Variants in CD163 observed in about 807,000 individuals in gnomAD.
The protein encoded by CD163 is CD163 molecule.
In CD163, 64 loss-of-function variants were observed where a neutral mutation model predicts 129.2. The observed-to-expected ratio is 0.50, with a 90% CI of 0.41 to 0.61. The LOEUF (loss-of-function observed/expected upper bound fraction) is 0.61, where lower values mean the gene tolerates loss of function less well. CD163 is among the 20% of genes least tolerant of loss of function. The pLI is 0.00. For synonymous variants in CD163, 446 were observed against 478.5 expected (o/e 0.93, Z 0.89); for missense variants, 1,061 against 1,377.9 (o/e 0.77, Z 3.64).
At chr12:7,473,600 G>C (rs1054532669) in intron 16 of CD163, among the ~76,000 whole-genome samples, 2 of 152,120 alleles carry the variant, frequency 1.3e-5, no homozygotes, top group South Asian at 4.1e-4. Flanking sequence ...AGAAAAACTA[G>C]TACCAGCCAC....
intron 4 of CD163, among the ~76,000 whole-genome samples, chr12:7,498,285 G>A (rs75146641): frequency 0.061 from 9,273 of 152,022 alleles, 335 homozygotes; most frequent in African/African-American, 0.091. Flanking sequence ...ACGAAGAGTG[G>A]TATCTCTGCA....
intron 1 of CD163, 99 bp downstream of exon 1, chr12:7,503,546 T>C: frequency 1.3e-6 from 1 of 746,764 alleles, no homozygotes; most frequent in Non-Finnish European, 2.2e-6. Context: ...CACTCCTTAC[T>C]CTCCTGATGC....
rs374723008 is a variant in CD163, at chr12:7,495,179, C to G, written c.1322G>C (p.Ser441Thr). The G allele has an allele frequency of 6.2e-7, 1 of 1,614,132 alleles. No individual in the cohort carries two copies. Among genetic ancestry groups the G allele is most frequent in the Admixed American group, 1.7e-5 (1 of 60,010 alleles). ...QATNTWLFLS[S>T]CNGNETSLWD... Reference sequence around the variant, plus strand: ...AAGAGAAGTTTCATTTCCGTTACAGCTACTTAGAAACAGCCATGTGTTTGT... The same window carrying G: ...AAGAGAAGTTTCATTTCCGTTACAGGTACTTAGAAACAGCCATGTGTTTGT... Residue 441 changes from serine to threonine, a missense_variant, in exon 6 of 17, where the codon AGC (serine) becomes ACC (threonine). Coordinates refer to ENST00000432237, the MANE Select transcript of CD163 (RefSeq NM_203416.4).
At chr12:7,498,086 C>T (rs1949426518) in intron 4 of CD163, among the ~76,000 whole-genome samples, 1 of 151,870 alleles carries the variant, frequency 6.6e-6, no homozygotes, top group Non-Finnish European at 1.5e-5. Context: ...CCAGTATTCT[C>T]TTCTTTTTAA....
chr12:7,492,410 G>A (rs1486849420), intron 6 of CD163, among the ~76,000 whole-genome samples: 2 of 152,074 alleles, frequency 1.3e-5, no homozygotes, highest in Admixed American at 6.6e-5. Flanking sequence ...TATGGGTGTG[G>A]TTGAATGGAG....
intron 11 of CD163, among the ~76,000 whole-genome samples, chr12:7,483,964 C>A (rs1176523032): frequency 6.6e-6 from 1 of 150,410 alleles, no homozygotes; most frequent in Non-Finnish European, 1.5e-5. Flanking sequence ...CCTCAGCCTC[C>A]CAAGTAGCTG....
intron 14 of CD163, among the ~76,000 whole-genome samples, chr12:7,481,793 A>G (rs1221544007): frequency 6.6e-6 from 1 of 152,138 alleles, no homozygotes; most frequent in Non-Finnish European, 1.5e-5. Context: ...TCTCTTCTTC[A>G]GACTTAGCAG....
At chr12:7,492,172 TAGA>T (rs759115602) in intron 6 of CD163, among the ~76,000 whole-genome samples, 2 of 152,088 alleles carry the variant, frequency 1.3e-5, no homozygotes, top group Non-Finnish European at 2.9e-5. Flanking sequence ...CCAACATAAG[TAGA>T]AGAACTTCCA....
In CD163 at chr12:7,483,413, G is replaced by A; in HGVS notation, c.3042C>T (p.Gly1014=). 1 of 1,613,920 alleles carries A rather than the reference G, an allele frequency of 6.2e-7. No homozygotes were observed. Residue 1014 remains glycine, a synonymous_variant, in exon 12 of 17, where the codon GGC becomes GGT. Transcript: ENST00000432237. ...SLWDCPARRW[G]HSECGHKEDA... is the part of the protein sequence containing the mutation. Reference sequence around the variant, plus strand: ...CTTCCTTGTGCCCACACTCACTATGGCCCCAGCGTCTGGCAGGACAATCCC... The same window carrying A: ...CTTCCTTGTGCCCACACTCACTATGACCCCAGCGTCTGGCAGGACAATCCC...
Position 7,482,669 on chromosome 12 carries a change from T to C in CD163, c.3221A>G (p.Lys1074Arg). 6.2e-7 allele frequency: 1 copy of C among 1,614,162 alleles called. No homozygotes were observed. Among genetic ancestry groups the C allele is most frequent in the Non-Finnish European group, 8.5e-7 (1 of 1,180,006 alleles). ...IFVALFFLTK[K>R]RRQRQRLAVS... ...TGCAAGCCGCTGTCTCTGTCTTCGC[T>C]TTTTAGTCAAGAAGAATAATGCGAC... Residue 1074 changes from lysine to arginine, a missense_variant, in exon 14 of 17, where the codon AAG becomes AGG. Coordinates refer to ENST00000432237, the MANE Select transcript of CD163 (RefSeq NM_203416.4).
chr12:7,502,743 G>A (rs2136750059), intron 1 of CD163, 179 bp from the exon 2 acceptor site: 2 of 635,744 alleles, frequency 3.1e-6, no homozygotes, highest in East Asian at 2.7e-5. Flanking sequence ...TCAGTGAAAT[G>A]GTTTTGAAAA....
intron 1 of CD163, 79 bp from the exon 2 acceptor site, chr12:7,502,643 A>G (rs1949509443): frequency 5.2e-6 from 4 of 770,814 alleles, no homozygotes; most frequent in Non-Finnish European, 6.7e-6. Context: ...TCAGAGGTTA[A>G]TTAACAAAGA....
rs1233393248 is a variant in CD163 at position 7,501,479 on chromosome 12, A to C, written c.134-17T>G. 6.2e-7 allele frequency: 1 copy of C among 1,602,034 alleles called. No individual in the cohort carries two copies. Among genetic ancestry groups the C allele is most frequent in the Non-Finnish European group, 8.5e-7 (1 of 1,169,686 alleles). On this transcript the variant is annotated splice_polypyrimidine_tract_variant and intron_variant, in intron 2 of 16. Transcript: ENST00000432237. ...CTGTTCCTCCTGCAACAATGGATTA[A>C]GACAGTAATTGGCCAAGGTCGCAAA...
intron 16 of CD163, among the ~76,000 whole-genome samples, chr12:7,477,538 A>G (rs1354644952): frequency 6.6e-6 from 1 of 152,160 alleles, no homozygotes; most frequent in Non-Finnish European, 1.5e-5. Flanking sequence ...TTGAACAATG[A>G]GAACACATGG....
chr12:7,492,195 G>A (rs1020547553), intron 6 of CD163, among the ~76,000 whole-genome samples: 6 of 151,980 alleles, frequency 3.9e-5, no homozygotes, highest in African/African-American at 1.5e-4. Flanking sequence ...AAAACCTACA[G>A]CAATATAACA....
intron 1 of CD163, 133 bp from the exon 2 acceptor site, chr12:7,502,697 C>T: frequency 1.5e-6 from 1 of 671,534 alleles, no homozygotes; most frequent in Non-Finnish European, 2.7e-6. Flanking sequence ...AATTGCAAGG[C>T]AGGCAGAAAA....
chr12:7,472,190 G>C (rs1949014701), intron 16 of CD163, among the ~76,000 whole-genome samples: 1 of 152,200 alleles, frequency 6.6e-6, no homozygotes, highest in African/African-American at 2.4e-5. Flanking sequence ...TCCTGACAAG[G>C]AGAATTCTCC....
At position 7,485,099 on chromosome 12, in the gene CD163, C is replaced by T; in HGVS notation, c.2776G>A (p.Asp926Asn). Reference protein sequence around the residue: ...SPSEETWITCDNKIRLQEGPT... With the variant: ...SPSEETWITCNNKIRLQEGPT... ...ATATAGGTCGATGGATACTCACTGT[C>T]ACATGTGATCCAGGTCTCCTCCGAG... The change falls in exon 11 of 17, where the codon GAC becomes AAC. Residue 926 changes from aspartate (D) to asparagine (N), a missense_variant. By Grantham distance (23) the Asp-to-Asn change is conservative. Transcript: ENST00000432237. The surrounding 1 kb of genome is among the most constrained non-coding windows in gnomAD (Gnocchi z 4.5). 2 of 1,596,812 alleles carry T rather than the reference C, an allele frequency of 1.3e-6. No individual in the cohort carries two copies. The highest frequency in any genetic ancestry group is 1.1e-5 in the South Asian group (1 of 89,060).
rs900870274 is a variant in CD163, at chr12:7,496,139, G to A, written c.1099+674C>T. 8.5e-5 allele frequency among the ~76,000 whole-genome samples: 13 copies of A among 152,106 alleles called. No homozygotes were observed. Among genetic ancestry groups the A allele is most frequent in the African/African-American group, 1.2e-4 (5 of 41,404 alleles). On this transcript the variant is annotated intron_variant, in intron 5 of 16. Transcript: ENST00000432237. The surrounding 1 kb of genome is among the most constrained non-coding windows in gnomAD (Gnocchi z 4.8). The stretch of plus-strand genomic sequence containing the variant: ...GTACATATACACCATGGAATACTAC[G>A]CAGCCATAAAAAAGAATGAGTTTAT...
Sources: allele counts gnomAD v4.1 joint callset (sites outside exome capture counted in the v4.1 genomes callset), GRCh38; gene constraint gnomAD v4.1.1; non-coding constraint Gnocchi (gnomAD v3.1); transcripts MANE v1.5; gene names NCBI Gene and HGNC (gene_info 2026-07-23, HGNC 2026-07-21).